SLAMF1: variants seen among roughly 807,000 people sequenced by gnomAD.
SLAMF1 encodes the protein signaling lymphocytic activation molecule family member 1.
Under a neutral mutation model 35.1 loss-of-function variants are expected in SLAMF1, and 18 were observed. The observed-to-expected ratio is 0.51, with a 90% CI of 0.35 to 0.76. SLAMF1 has a LOEUF of 0.76. SLAMF1 is among the 30% of genes least tolerant of loss of function. The probability of loss-of-function intolerance (pLI) is 0.01; values close to 1 mark genes in which losing one functional copy is unlikely to be tolerated. For synonymous variants in SLAMF1, 168 were observed against 157.2 expected (o/e 1.07, Z -0.51); for missense variants, 392 against 413.0 (o/e 0.95, Z 0.44).
chr1:160,627,610 A>AAT (rs752545720), intron 3 of SLAMF1, among the ~76,000 whole-genome samples: 1 of 152,158 alleles, frequency 6.6e-6, no homozygotes, highest in East Asian at 1.9e-4. Flanking sequence ...TTTACATGGA[A>AAT]ATCAAATGTC....
chr1:160,626,890 A>G (rs1316973206), intron 3 of SLAMF1, among the ~76,000 whole-genome samples: 1 of 152,066 alleles, frequency 6.6e-6, no homozygotes, highest in Non-Finnish European at 1.5e-5. Flanking sequence ...GCTGTCCACC[A>G]TGCCTGCCTA....
intron 4 of SLAMF1, among the ~76,000 whole-genome samples, chr1:160,620,997 C>T (rs1469237945): frequency 6.6e-6 from 1 of 152,192 alleles, no homozygotes; most frequent in Non-Finnish European, 1.5e-5. Context: ...TGTCATTCTG[C>T]ACACACTTCT....
rs1486191525 is a variant in SLAMF1, at chr1:160,608,994, A to G, written c.*1754T>C. The stretch of plus-strand genomic sequence containing the variant: ...ATGGACATGTGACCTAGGATTGGCC[A>G]CTCAATCCCAGACTTTGAATTATAA... On this transcript the variant is annotated 3_prime_UTR_variant, in exon 7 of 7. Transcript: ENST00000302035. The G allele has an allele frequency of 1.3e-5, 2 of 152,198 alleles. No homozygotes were observed. Among genetic ancestry groups the G allele is most frequent in the African/African-American group, 4.8e-5 (2 of 41,452 alleles). 9.4% of individuals were successfully genotyped at this position (152,198 alleles called of 1,614,324 possible).
chr1:160,615,264 T>TCACAAG (rs1659230153), intron 5 of SLAMF1, among the ~76,000 whole-genome samples: 2 of 152,054 alleles, frequency 1.3e-5, no homozygotes, highest in South Asian at 4.1e-4. Context: ...CTTGTGTGTT[T>TCACAAG]AAAATATATA....
At chr1:160,639,497 G>T (rs2102354401) in intron 1 of SLAMF1, among the ~76,000 whole-genome samples, 1 of 152,246 alleles carries the variant, frequency 6.6e-6, no homozygotes, top group East Asian at 1.9e-4. Context: ...AAAGTGCTGG[G>T]ATTACAGGCA....
intron 5 of SLAMF1, chr1:160,615,812 T>G (rs1266354536): frequency 2.0e-5 from 5 of 251,124 alleles, no homozygotes; most frequent in African/African-American, 1.2e-4. Context: ...AGGGAGGTCA[T>G]GTGAAGATGA....
chr1:160,628,072 C>T (rs1313327384), intron 3 of SLAMF1, among the ~76,000 whole-genome samples: 1 of 152,198 alleles, frequency 6.6e-6, no homozygotes, highest in Non-Finnish European at 1.5e-5. Flanking sequence ...GAGGCCTCTC[C>T]AGCCATGTGG....
intron 5 of SLAMF1, among the ~76,000 whole-genome samples, chr1:160,617,569 C>T (rs184002345): frequency 6.6e-6 from 1 of 151,912 alleles, no homozygotes; most frequent in African/African-American, 2.4e-5. Flanking sequence ...ATAAATCAGA[C>T]ATGAGAGAAA....
intron 5 of SLAMF1, chr1:160,615,804 G>A: frequency 3.7e-6 from 1 of 267,180 alleles, no homozygotes; most frequent in Non-Finnish European, 7.6e-6. Context: ...ACACAGAGAG[G>A]GAGGTCATGT....
intron 5 of SLAMF1, among the ~76,000 whole-genome samples, 183 bp downstream of exon 5, chr1:160,619,593 T>C (rs764199629): frequency 6.6e-6 from 1 of 152,180 alleles, no homozygotes; most frequent in Admixed American, 6.5e-5. Context: ...AATTATCCAG[T>C]GTTGCCCATT....
intron 3 of SLAMF1, among the ~76,000 whole-genome samples, chr1:160,631,591 T>C (rs1660166372): frequency 6.6e-6 from 1 of 151,982 alleles, no homozygotes; most frequent in African/African-American, 2.4e-5. Context: ...GTCATTAGGG[T>C]GGCCCCTAAT....
rs140009852 is a variant in SLAMF1 at position 160,637,179 on chromosome 1, C to T, written c.415+12G>A. 4.3e-4 allele frequency: 688 copies of T among 1,604,296 alleles called. 3 individuals are homozygous for T. The African/African-American group carries it at 7.5e-3, about 17-fold the overall frequency. ...GCCCTTTAGTGTGGACTGGGGAAGC[C>T]GCCATTATTACCATAAAGCCTCAAC... On this transcript the variant is annotated intron_variant, in intron 2 of 6. Transcript: ENST00000302035.
chr1:160,633,673 A>G (rs779939634), intron 3 of SLAMF1, among the ~76,000 whole-genome samples: 4 of 152,232 alleles, frequency 2.6e-5, no homozygotes, highest in Non-Finnish European at 4.4e-5. Flanking sequence ...GCAGGGACAC[A>G]AGATCTGTTA....
rs369943339 is a variant in SLAMF1, at chr1:160,646,997, C to T, written c.-52G>A. 321 of 934,366 alleles carry T rather than the reference C, an allele frequency of 3.4e-4. 8 individuals carry two copies. The South Asian group carries it at 4.2e-3, about 12-fold the overall frequency. The allele number at this position is 934,366 out of a possible 1,614,324, so 57.9% of individuals were successfully genotyped here. ...CTGGCCGGAGCCTGGCAGCTGCTCACAGATGCCAGGCAGAAGCAAGCTTCG... is the reference window on the plus strand; with the variant it reads ...CTGGCCGGAGCCTGGCAGCTGCTCATAGATGCCAGGCAGAAGCAAGCTTCG... On this transcript the variant is annotated 5_prime_UTR_variant, in exon 1 of 7. The change creates a new upstream start codon in the 5' untranslated region. Coordinates refer to ENST00000302035, the MANE Select transcript of SLAMF1 (RefSeq NM_003037.5).
At chr1:160,640,755 C>T (rs1167143291) in intron 1 of SLAMF1, among the ~76,000 whole-genome samples, 1 of 152,028 alleles carries the variant, frequency 6.6e-6, no homozygotes, top group African/African-American at 2.4e-5. Flanking sequence ...AAAATCTGGC[C>T]TAGAGTGATT....
intron 1 of SLAMF1, among the ~76,000 whole-genome samples, chr1:160,646,419 G>T (rs1447199094): frequency 6.6e-6 from 1 of 152,182 alleles, no homozygotes. Context: ...GTTGACCCAT[G>T]CTCCTGGTTT....
intron 2 of SLAMF1, among the ~76,000 whole-genome samples, chr1:160,635,831 G>A (rs1007085838): frequency 6.6e-6 from 1 of 151,396 alleles, no homozygotes; most frequent in African/African-American, 2.4e-5. Context: ...CGCCCGCCTC[G>A]GCCTCCCAAA....
intron 4 of SLAMF1, among the ~76,000 whole-genome samples, chr1:160,620,319 C>T (rs1659540643): frequency 6.6e-6 from 1 of 152,084 alleles, no homozygotes; most frequent in African/African-American, 2.4e-5. Flanking sequence ...TCACTCACAG[C>T]TTTCTCACCT....
rs1487478485 is a variant in SLAMF1 at position 160,642,921 on chromosome 1, A to C, written c.76+3949T>G. 6.6e-6 allele frequency among the ~76,000 whole-genome samples: 1 copy of C among 152,188 alleles called. No individual in the cohort carries two copies. The highest frequency in any genetic ancestry group is 1.5e-5 in the Non-Finnish European group (1 of 68,020). ...AAAATCAAGCCCATCGGACCCATTT[A>C]TTTGGGGCTAAGTTTTTAATATTCA... On this transcript the variant is annotated intron_variant, in intron 1 of 6. Transcript: ENST00000302035. The surrounding 1 kb of genome is among the most constrained non-coding windows in gnomAD (Gnocchi z 4.2).
Sources: allele counts gnomAD v4.1 joint callset (sites outside exome capture counted in the v4.1 genomes callset), GRCh38; gene constraint gnomAD v4.1.1; non-coding constraint Gnocchi (gnomAD v3.1); transcripts MANE v1.5; gene names NCBI Gene and HGNC (gene_info 2026-07-23, HGNC 2026-07-21).